The following ASIC2 variants were observed in gnomAD, a reference collection of about 807,000 sequenced individuals.
ASIC2 encodes acid sensing ion channel subunit 2.
Under a neutral mutation model 57.3 loss-of-function variants are expected in ASIC2, and 25 were observed. The observed-to-expected ratio is 0.44, with a 90% CI of 0.32 to 0.61. ASIC2 has a LOEUF of 0.61. Among genes scored for constraint, ASIC2 ranks in the 20% least tolerant of loss-of-function variants. The pLI, the probability that ASIC2 is intolerant of heterozygous loss-of-function variation, is 0.06. For synonymous variants in ASIC2, 319 were observed against 307.5 expected, an observed-to-expected ratio of 1.04 and a Z score of -0.39; for missense variants, 641 against 738.1, an observed-to-expected ratio of 0.87 and a Z score of 1.52.
chr17:33,243,336 A>C (rs1484043135), intron 1 of ASIC2, among the ~76,000 whole-genome samples: 1 of 152,214 alleles, frequency 6.6e-6, no homozygotes, highest in Non-Finnish European at 1.5e-5. Context: ...AGTCAGCTCA[A>C]AGGAAAATAT....
At chr17:33,983,147 A>G (rs541562117) in intron 1 of ASIC2, among the ~76,000 whole-genome samples, 8 of 152,330 alleles carry the variant, frequency 5.3e-5, no homozygotes, top group African/African-American at 9.6e-5. Context: ...CCAGTTACTC[A>G]AAAACATAAT....
At chr17:33,843,418 T>C (rs777817929) in intron 1 of ASIC2, among the ~76,000 whole-genome samples, 1 of 152,254 alleles carries the variant, frequency 6.6e-6, no homozygotes, top group Admixed American at 6.5e-5. Flanking sequence ...TCAATTAATG[T>C]GGCATTTTAA....
intron 1 of ASIC2, among the ~76,000 whole-genome samples, chr17:33,921,639 T>C (rs773873399): frequency 6.4e-4 from 97 of 152,012 alleles, no homozygotes; most frequent in Non-Finnish European, 1.1e-3. Flanking sequence ...TCTGTGCTGG[T>C]TAATTTTGGA....
chr17:34,081,594 C>A (rs1270364270), intron 1 of ASIC2, among the ~76,000 whole-genome samples: 1 of 152,118 alleles, frequency 6.6e-6, no homozygotes, highest in Non-Finnish European at 1.5e-5. Context: ...AAATCCTTCT[C>A]AAAGGGAGGG....
At chr17:33,080,646 T>C (rs1238391037) in intron 3 of ASIC2, among the ~76,000 whole-genome samples, 1 of 151,952 alleles carries the variant, frequency 6.6e-6, no homozygotes, top group Non-Finnish European at 1.5e-5. Context: ...AACAGAACAA[T>C]TATAACAATA....
intron 1 of ASIC2, among the ~76,000 whole-genome samples, chr17:34,073,594 G>A (rs1472736397): frequency 3.9e-5 from 6 of 152,154 alleles, no homozygotes; most frequent in Admixed American, 6.5e-5. Context: ...TTCAAGTATC[G>A]GGGACCCATA....
At chr17:33,115,330 A>G (rs957106405) in intron 1 of ASIC2, among the ~76,000 whole-genome samples, 7 of 152,152 alleles carry the variant, frequency 4.6e-5, no homozygotes, top group Non-Finnish European at 8.8e-5. Flanking sequence ...ACAATCTATG[A>G]CAGCTAAATT....
intron 1 of ASIC2, among the ~76,000 whole-genome samples, chr17:33,994,339 C>T (rs900565165): frequency 2.0e-5 from 3 of 152,142 alleles, no homozygotes; most frequent in African/African-American, 7.2e-5. Flanking sequence ...ATGTCACCCA[C>T]CTGGAATGAT....
rs577537656 is a variant in ASIC2 at position 33,441,393 on chromosome 17, A to G, written c.556-329326T>C. Among the ~76,000 whole-genome samples the G allele has an allele frequency of 3.9e-5, 6 of 152,314 alleles. No individual in the cohort carries two copies. The South Asian group carries it at 1.2e-3, about 32-fold the overall frequency. On this transcript the variant is annotated intron_variant, in intron 1 of 9. Coordinates refer to the ASIC2 transcript ENST00000359872. ...TACCTAAGAAGTCTTTGCCTAATAC[A>G]ATGTCAAAAAGATTTTCTCCCATAA...
chr17:33,564,042 G>A (rs1916157378), intron 1 of ASIC2, among the ~76,000 whole-genome samples: 1 of 152,188 alleles, frequency 6.6e-6, no homozygotes, highest in South Asian at 2.1e-4. Context: ...GCTCCCTGCA[G>A]GAAGTCACAT....
chr17:33,144,341 A>G (rs1258704797), intron 1 of ASIC2, among the ~76,000 whole-genome samples: 1 of 151,902 alleles, frequency 6.6e-6, no homozygotes, highest in Non-Finnish European at 1.5e-5. Flanking sequence ...AGTGGGGGAG[A>G]AAGAGAGAGA....
chr17:33,408,969 C>T (rs1346009684), intron 1 of ASIC2, among the ~76,000 whole-genome samples: 2 of 152,158 alleles, frequency 1.3e-5, no homozygotes, highest in Non-Finnish European at 2.9e-5. Flanking sequence ...ATCCCAGACC[C>T]TTGGGGGGCT....
chr17:33,876,265 A>G (rs430240), intron 1 of ASIC2, among the ~76,000 whole-genome samples: 41,327 of 152,084 alleles, frequency 0.27, 5,820 homozygotes, highest in Middle Eastern at 0.36. Context: ...TTGAGAAGTT[A>G]TGCGAAGAGA....
At chr17:34,046,850 T>C (rs1183346723) in intron 1 of ASIC2, among the ~76,000 whole-genome samples, 1 of 152,176 alleles carries the variant, frequency 6.6e-6, no homozygotes, top group Admixed American at 6.5e-5. Flanking sequence ...GCTTCCCTTA[T>C]AGAACTCCCT....
intron 3 of ASIC2, among the ~76,000 whole-genome samples, chr17:33,043,916 GA>G (rs1174099621): frequency 6.6e-6 from 1 of 152,164 alleles, no homozygotes; most frequent in Non-Finnish European, 1.5e-5. Flanking sequence ...GCACTTTGAT[GA>G]GCAACAAAAA....
chr17:33,980,600 G>A (rs1298781805), intron 1 of ASIC2: 3 of 152,188 alleles, frequency 2.0e-5, no homozygotes, highest in African/African-American at 7.2e-5. Flanking sequence ...TGCTTCCCAG[G>A]TCCCTCTTCA....
At chr17:33,513,788 T>C (rs1301816857) in intron 1 of ASIC2, among the ~76,000 whole-genome samples, 2 of 152,170 alleles carry the variant, frequency 1.3e-5, no homozygotes, top group African/African-American at 4.8e-5. Flanking sequence ...CTTGCCCAGG[T>C]TCAAAGGCGG....
chr17:33,559,543 T>A (rs1916009184), intron 1 of ASIC2, among the ~76,000 whole-genome samples: 1 of 152,234 alleles, frequency 6.6e-6, no homozygotes. Flanking sequence ...AGTTTCCTTA[T>A]ATATTCTGCC....
At chr17:33,799,984 G>T (rs993267350) in intron 1 of ASIC2, among the ~76,000 whole-genome samples, 1 of 152,124 alleles carries the variant, frequency 6.6e-6, no homozygotes, top group African/African-American at 2.4e-5. Context: ...GCTCTCACTA[G>T]GTGCTTCCTT....
Sources: gnomAD v4.1 joint callset for allele counts (sites outside exome capture counted in the v4.1 genomes callset) on GRCh38, gnomAD v4.1.1 for gene constraint, MANE v1.5 for transcripts, NCBI Gene and HGNC (gene_info 2026-07-23, HGNC 2026-07-21) for gene names.